Variants in TNIK observed in about 807,000 individuals in gnomAD.
The protein encoded by TNIK is TRAF2 and NCK interacting kinase.
A neutral mutation model predicts 191.3 loss-of-function variants in TNIK; 49 were observed. That is an observed-to-expected ratio of 0.26 (90% CI 0.20 to 0.32). The LOEUF is 0.32. TNIK is among the 10% of genes least tolerant of loss of function. The pLI, the probability that TNIK is intolerant of heterozygous loss-of-function variation, is 1.00. For missense variants in TNIK, 1,155 were observed against 1,702.3 expected (o/e 0.68, Z 5.66); for synonymous variants, 594 against 600.9 (o/e 0.99, Z 0.17).
At chr3:171,302,316 C>T (rs990434503) in intron 2 of TNIK, among the ~76,000 whole-genome samples, 5 of 147,040 alleles carry the variant, frequency 3.4e-5, no homozygotes, top group African/African-American at 1.3e-4. Context: ...GACACTTCAA[C>T]TGCCACACTC....
At chr3:171,398,692 C>A (rs16856276) in intron 1 of TNIK, among the ~76,000 whole-genome samples, 1 of 152,190 alleles carries the variant, frequency 6.6e-6, no homozygotes, top group African/African-American at 2.4e-5. Context: ...ACTGTCTATG[C>A]AGCCCCATCA....
intron 23 of TNIK, among the ~76,000 whole-genome samples, chr3:171,089,876 T>A (rs150693266): frequency 1.7e-3 from 256 of 152,322 alleles, no homozygotes; most frequent in Admixed American, 0.015. Flanking sequence ...TATCTTGCCC[T>A]GAGTGACACG....
At chr3:171,128,630 C>G in intron 16 of TNIK, 84 bp downstream of exon 16, 1 of 1,444,834 alleles carries the variant, frequency 6.9e-7, no homozygotes, top group Non-Finnish European at 9.2e-7. Flanking sequence ...TGCCTGAATC[C>G]ATGTTACAAT....
chr3:171,443,085 T>C (rs1210401607), intron 1 of TNIK, among the ~76,000 whole-genome samples: 1 of 152,238 alleles, frequency 6.6e-6, no homozygotes, highest in Admixed American at 6.5e-5. Context: ...TTTATTTGTT[T>C]GCATGGAAAG....
At chr3:171,233,576 A>T (rs1743927088) in intron 2 of TNIK, among the ~76,000 whole-genome samples, 1 of 152,178 alleles carries the variant, frequency 6.6e-6, no homozygotes, top group Admixed American at 6.5e-5. Context: ...TTAGCCAAAG[A>T]GCCACCTCAC....
At chr3:171,180,052 C>T (rs1305202090) in intron 7 of TNIK, among the ~76,000 whole-genome samples, 1 of 152,106 alleles carries the variant, frequency 6.6e-6, no homozygotes, top group African/African-American at 2.4e-5. Flanking sequence ...CAGAAGGGTC[C>T]AATTTAAATG....
intron 2 of TNIK, among the ~76,000 whole-genome samples, chr3:171,258,029 T>C (rs1747098940): frequency 6.6e-6 from 1 of 152,180 alleles, no homozygotes; most frequent in Non-Finnish European, 1.5e-5. Flanking sequence ...GCTTAGAGAC[T>C]GGTGCTTTTG....
At chr3:171,155,823 A>G (rs1199128807) in intron 12 of TNIK, among the ~76,000 whole-genome samples, 2 of 152,228 alleles carry the variant, frequency 1.3e-5, no homozygotes, top group Non-Finnish European at 2.9e-5. Flanking sequence ...AAGCATACCA[A>G]CTTTGACTTA....
At chr3:171,087,186 T>C (rs1721470996) in intron 24 of TNIK, among the ~76,000 whole-genome samples, 156 bp downstream of exon 24, 1 of 152,232 alleles carries the variant, frequency 6.6e-6, no homozygotes, top group African/African-American at 2.4e-5. Flanking sequence ...CTTCCATGAT[T>C]TCTCTATTTG....
chr3:171,092,917 T>A (rs1173197026), intron 23 of TNIK, among the ~76,000 whole-genome samples: 2 of 152,162 alleles, frequency 1.3e-5, no homozygotes, highest in Non-Finnish European at 2.9e-5. Flanking sequence ...TGATAACAAG[T>A]AAAAGGAGAA....
At chr3:171,241,098 T>G (rs1408933210) in intron 2 of TNIK, among the ~76,000 whole-genome samples, 1 of 151,984 alleles carries the variant, frequency 6.6e-6, no homozygotes, top group East Asian at 1.9e-4. Context: ...CGGCACGATC[T>G]TGGCTCACCG....
At chr3:171,317,119 C>A (rs1754723243) in intron 2 of TNIK, among the ~76,000 whole-genome samples, 1 of 151,694 alleles carries the variant, frequency 6.6e-6, no homozygotes, top group Non-Finnish European at 1.5e-5. Flanking sequence ...CAGAGAATGA[C>A]CTGGAGTTTA....
At chr3:171,451,485 G>A (rs976902664) in intron 1 of TNIK, among the ~76,000 whole-genome samples, 17 of 152,234 alleles carry the variant, frequency 1.1e-4, no homozygotes, top group African/African-American at 3.6e-4. Context: ...CACAGAAACT[G>A]TGAGATATAA....
intron 1 of TNIK, among the ~76,000 whole-genome samples, chr3:171,446,760 G>A (rs987664772): frequency 5.9e-5 from 9 of 152,168 alleles, no homozygotes; most frequent in African/African-American, 2.2e-4. Flanking sequence ...TATCATGGCC[G>A]TAGCTCACCT....
intron 2 of TNIK, among the ~76,000 whole-genome samples, chr3:171,240,292 A>G (rs1744795932): frequency 1.3e-5 from 2 of 152,174 alleles, no homozygotes; most frequent in Non-Finnish European, 2.9e-5. Flanking sequence ...ATCTGTAGCT[A>G]GAGCTCTGCA....
At chr3:171,234,226 A>T (rs1394512429) in intron 2 of TNIK, among the ~76,000 whole-genome samples, 1 of 152,228 alleles carries the variant, frequency 6.6e-6, no homozygotes, top group African/African-American at 2.4e-5. Context: ...AAGACTCCAA[A>T]GATCCTTATG....
At chr3:171,171,342 C>T (rs1735255331) in intron 9 of TNIK, among the ~76,000 whole-genome samples, 1 of 152,144 alleles carries the variant, frequency 6.6e-6, no homozygotes, top group African/African-American at 2.4e-5. Flanking sequence ...TGACAACCCA[C>T]CAAGAATCAG....
At position 171,140,548 on chromosome 3, in the gene TNIK, C is replaced by A; in HGVS notation, c.1222-39G>T. Reference sequence around the variant, plus strand: ...AGCAGACAACCATGAAGGCAACAGGCCCCGGTGGGGGGTGTCAGGGAGCCA... The same window carrying A: ...AGCAGACAACCATGAAGGCAACAGGACCCGGTGGGGGGTGTCAGGGAGCCA... On this transcript the variant is annotated intron_variant, in intron 12 of 32. Transcript: ENST00000436636. 5 of 1,597,660 alleles carry A rather than the reference C, an allele frequency of 3.1e-6. No individual in the cohort carries two copies. In the South Asian group the frequency reaches 4.4e-5, roughly 14 times the overall value.
chr3:171,235,774 G>T, intron 2 of TNIK, among the ~76,000 whole-genome samples: 1 of 151,592 alleles, frequency 6.6e-6, no homozygotes, highest in East Asian at 1.9e-4. Flanking sequence ...TTGGTGGGGG[G>T]GGGGTTTATA....
Sources: gnomAD v4.1 joint callset for allele counts (sites outside exome capture counted in the v4.1 genomes callset) on GRCh38, gnomAD v4.1.1 for gene constraint, MANE v1.5 for transcripts, NCBI Gene and HGNC (gene_info 2026-07-23, HGNC 2026-07-21) for gene names.